Variants in AFAP1 observed in about 807,000 individuals in gnomAD.
The protein encoded by AFAP1 is actin filament associated protein 1, also known as actin filament-associated protein 1.
Under a neutral mutation model 93.9 loss-of-function variants are expected in AFAP1, and 75 were observed. That is an observed-to-expected ratio of 0.80 (90% CI 0.66 to 0.97). The LOEUF is 0.97. Ranked by LOEUF, AFAP1 falls within the 50% of genes least tolerant of loss-of-function variation. The probability of loss-of-function intolerance (pLI) is 0.00; values close to 1 mark genes in which losing one functional copy is unlikely to be tolerated. For synonymous variants in AFAP1, 517 were observed against 430.7 expected (o/e 1.20, Z -2.48); for missense variants, 1,201 against 1,050.8 (o/e 1.14, Z -1.98).
rs771597203 is a variant in AFAP1 at position 7,855,497 on chromosome 4, G to A, written c.303C>T (p.Ser101=). 6.2e-7 allele frequency: 1 copy of A among 1,613,280 alleles called. No individual in the cohort carries two copies. Among genetic ancestry groups the A allele is most frequent in the Non-Finnish European group, 8.5e-7 (1 of 1,179,542 alleles). Residue 101 remains serine, a synonymous_variant, in exon 4 of 18, where the codon AGC becomes AGT. Transcript: ENST00000420658. ...TGATGTATTCCGGAGCTTTTCCGGG[G>A]CTCAGCGGCACAGCTTCCTCATAAT... ...EGYYEEAVPL[S]PGKAPEYITS...
intron 5 of AFAP1, 60 bp downstream of exon 5, chr4:7,843,079 C>T (rs1713249819): frequency 1.3e-5 from 21 of 1,558,456 alleles, no homozygotes; most frequent in South Asian, 3.4e-5. Context: ...TGGATATAAA[C>T]GCCATGGCTT....
intron 6 of AFAP1, among the ~76,000 whole-genome samples, chr4:7,838,246 C>T (rs1190991828): frequency 6.6e-6 from 1 of 152,090 alleles, no homozygotes; most frequent in East Asian, 1.9e-4. Flanking sequence ...AATTCATATG[C>T]AGACACAATA....
rs1720999555 is a variant in AFAP1 at position 7,930,379 on chromosome 4, AGCTCAATCTCTCATTGGCCAC to A, written c.-3+9256_-3+9276del. On this transcript the variant is annotated intron_variant, in intron 1 of 17. Coordinates refer to ENST00000420658, the MANE Select transcript of AFAP1 (RefSeq NM_001134647.2). ...ATTAAGTCATTGGCCACCGGTGGCT[AGCTCAATCTCTCATTGGCCAC>A]CGGTGGCTAGCTCAATCTCCAGCCC... is the stretch of plus-strand genomic sequence containing the variant. Among the ~76,000 whole-genome samples the A allele has an allele frequency of 1.7e-3, 5 of 3,020 alleles. No homozygotes were observed. In the Admixed American group the frequency reaches 0.024, roughly 14 times the overall value. 2.0% of individuals were successfully genotyped at this position (3,020 alleles called of 152,430 possible). A position where few individuals can be genotyped will look rare whatever the true frequency, so the allele number is the denominator to read the frequency against.
intron 1 of AFAP1, among the ~76,000 whole-genome samples, chr4:7,913,228 A>C (rs1253171411): frequency 6.6e-6 from 1 of 152,112 alleles, no homozygotes; most frequent in Non-Finnish European, 1.5e-5. Flanking sequence ...GTCTCTGCAA[A>C]AAATTTTAAA....
In AFAP1 at chr4:7,793,727, C is replaced by T. The variant is rs1170257885; in HGVS notation, c.1366G>A (p.Val456Met). 7 of 1,579,874 alleles carry T rather than the reference C, an allele frequency of 4.4e-6. No individual in the cohort carries two copies. The highest frequency in any genetic ancestry group is 2.3e-5 in the South Asian group (2 of 88,124). ...PEALHYDYID[V>M]EMSASVIQTA... Reference sequence around the variant, plus strand: ...TGAATGACACTTGCAGACATCTCCACATCAATGTAGTCATAGTGCAGAGCC... The same window carrying T: ...TGAATGACACTTGCAGACATCTCCATATCAATGTAGTCATAGTGCAGAGCC... Residue 456 changes from valine to methionine, a missense_variant, in exon 11 of 18, where the codon GTG becomes ATG. Transcript: ENST00000420658.
chr4:7,837,794 G>A (rs533252305), intron 6 of AFAP1, among the ~76,000 whole-genome samples: 1 of 152,158 alleles, frequency 6.6e-6, no homozygotes, highest in South Asian at 2.1e-4. Flanking sequence ...CAAGGTGGGC[G>A]GATCACTTGA....
At chr4:7,801,081 G>A (rs945559042) in intron 9 of AFAP1, among the ~76,000 whole-genome samples, 1 of 152,002 alleles carries the variant, frequency 6.6e-6, no homozygotes, top group African/African-American at 2.4e-5. Context: ...TAGAGTAAGA[G>A]TCACAGGCAG....
intron 1 of AFAP1, among the ~76,000 whole-genome samples, chr4:7,890,262 A>G (rs1718386288): frequency 6.6e-6 from 1 of 152,234 alleles, no homozygotes; most frequent in African/African-American, 2.4e-5. Flanking sequence ...AAAGATGCCA[A>G]GATAATGCAA....
intron 16 of AFAP1, among the ~76,000 whole-genome samples, chr4:7,770,563 G>A (rs922736328): frequency 1.3e-4 from 20 of 152,202 alleles, no homozygotes; most frequent in Non-Finnish European, 2.5e-4. Context: ...ACCAGGGGGA[G>A]CAGGAGGCCA....
chr4:7,775,083 GTGAGCTGTGATCCTGCCAC>G (rs1281705842), intron 14 of AFAP1, 180 bp from the exon 15 acceptor site: 2 of 683,066 alleles, frequency 2.9e-6, no homozygotes, highest in Non-Finnish European at 4.8e-6. Flanking sequence ...TGAGGCTGCA[GTGAGCTGTGATCCTGCCAC>G]TGTGCTCCAG....
chr4:7,907,146 C>T (rs1323550152), intron 1 of AFAP1, among the ~76,000 whole-genome samples: 1 of 152,164 alleles, frequency 6.6e-6, no homozygotes, highest in East Asian at 1.9e-4. Context: ...TTCAATACAA[C>T]TTGTAACAGT....
In AFAP1 at chr4:7,810,921, C is replaced by A. The variant is rs1316322591; in HGVS notation, c.905-1158G>T. Among the ~76,000 whole-genome samples, 4 of 152,234 alleles carry A rather than the reference C, an allele frequency of 2.6e-5. No individual in the cohort carries two copies. In the South Asian group the frequency reaches 8.3e-4, roughly 31 times the overall value. On this transcript the variant is annotated intron_variant, in intron 8 of 17. Coordinates refer to ENST00000420658, the MANE Select transcript of AFAP1 (RefSeq NM_001134647.2). ...CGTCACTGGCACCTCTCTCCACTGC[C>A]GAGGGCTCTGTCCGTGACCTCCGGC...
At chr4:7,920,894 T>C (rs1167701831) in intron 1 of AFAP1, among the ~76,000 whole-genome samples, 2 of 152,140 alleles carry the variant, frequency 1.3e-5, no homozygotes, top group Non-Finnish European at 2.9e-5. Context: ...AAAAGGTTTA[T>C]AGGCTAGGAG....
intron 1 of AFAP1, among the ~76,000 whole-genome samples, chr4:7,936,857 A>G (rs955788821): frequency 1.3e-5 from 2 of 152,194 alleles, no homozygotes; most frequent in East Asian, 3.9e-4. Flanking sequence ...TTGGGATTAC[A>G]GGCGTGAGCC....
chr4:7,795,401 A>G (rs909160243), intron 10 of AFAP1, among the ~76,000 whole-genome samples: 24 of 142,428 alleles, frequency 1.7e-4, no homozygotes, highest in African/African-American at 6.0e-4. Context: ...TCCTAAAACA[A>G]AATCTTTTTT....
rs1370758034 is a variant in AFAP1, at chr4:7,763,706, G to GA, written c.*58dup. On this transcript the variant is annotated 3_prime_UTR_variant, in exon 18 of 18. Transcript: ENST00000420658. Reference sequence around the variant, plus strand: ...GGGCAGAGCTTCCTGCCGTCACACAGATGAGGATACAGGCAAGGGGGTGTG... The same window carrying GA: ...GGGCAGAGCTTCCTGCCGTCACACAGAATGAGGATACAGGCAAGGGGGTGTG... The GA allele has an allele frequency of 3.9e-6, 6 of 1,547,974 alleles. No homozygotes were observed. The East Asian group carries it at 1.2e-4, about 32-fold the overall frequency.
At position 7,778,763 on chromosome 4, in the gene AFAP1, C is replaced by T. The variant is rs200215454; in HGVS notation, c.1896G>A (p.Ser632=). ...CAAGACATCCGATGGTATACTTACT[C>T]GAACCCGTCCTTTTCACAACAGCCG... ...DPAAVVKRTG[S]NAAQYKYGKN... The change falls in exon 14 of 18, where the codon TCG becomes TCA. Residue 632 remains serine, a splice_region_variant and synonymous_variant. Transcript: ENST00000420658. 13 of 1,613,586 alleles carry T rather than the reference C, an allele frequency of 8.1e-6. No individual in the cohort carries two copies. The highest frequency in any genetic ancestry group is 2.2e-5 in the East Asian group (1 of 44,882).
chr4:7,840,309 T>C (rs750712056), intron 5 of AFAP1, among the ~76,000 whole-genome samples: 1 of 63,728 alleles, frequency 1.6e-5, no homozygotes, highest in African/African-American at 9.1e-5. Context: ...TTTTGGGGTG[T>C]GTGTGTGTGT....
chr4:7,761,642 T>C lies in AFAP1; in HGVS notation c.*2123A>G, dbSNP rs919451013. The stretch of plus-strand genomic sequence containing the variant: ...CACCAAAACCTCACACAGTTCTCTT[T>C]GGCAAAGCAGGCTGCCAATCAGAGT... On this transcript the variant is annotated 3_prime_UTR_variant, in exon 18 of 18. Coordinates refer to ENST00000420658, the MANE Select transcript of AFAP1 (RefSeq NM_001134647.2). 6.6e-6 allele frequency: 1 copy of C among 152,260 alleles called. No homozygotes were observed. The highest frequency in any genetic ancestry group is 1.5e-5 in the Non-Finnish European group (1 of 68,066). The allele number at this position is 152,260 out of a possible 1,614,324, so 9.4% of individuals were successfully genotyped here.
Sources: gnomAD v4.1 joint callset for allele counts (sites outside exome capture counted in the v4.1 genomes callset) on GRCh38, gnomAD v4.1.1 for gene constraint, MANE v1.5 for transcripts, NCBI Gene and HGNC (gene_info 2026-07-23, HGNC 2026-07-21) for gene names.